Variants in SAFB observed in about 807,000 individuals in gnomAD.
SAFB encodes scaffold attachment factor B, also known as scaffold attachment factor B1.
In SAFB, 15 loss-of-function variants were observed where a neutral mutation model predicts 101.6. That is an observed-to-expected ratio of 0.15 (90% CI 0.10 to 0.23). The LOEUF (loss-of-function observed/expected upper bound fraction) is 0.23. Among genes scored for constraint, SAFB ranks in the 10% least tolerant of loss-of-function variants. The probability of loss-of-function intolerance (pLI) is 1.00; values close to 1 mark genes in which losing one functional copy is unlikely to be tolerated. For synonymous variants in SAFB, 449 were observed against 407.5 expected (o/e 1.10, Z -1.23); for missense variants, 930 against 1,104.1 (o/e 0.84, Z 2.23).
At chr19:5,649,771 T>C (rs567516186) in intron 7 of SAFB, 155 bp from the exon 8 acceptor site, 163 of 816,980 alleles carry the variant, frequency 2.0e-4, no homozygotes, top group Non-Finnish European at 3.1e-4. Flanking sequence ...TGAAATCTTA[T>C]GGTTAGGTCA....
At chr19:5,628,392 A>G (rs565052411) in intron 2 of SAFB, among the ~76,000 whole-genome samples, 21 of 152,278 alleles carry the variant, frequency 1.4e-4, no homozygotes, top group African/African-American at 5.1e-4. Flanking sequence ...GCATAATGAG[A>G]TAATCTTGGG....
chr19:5,628,867 A>T (rs942780051), intron 2 of SAFB, among the ~76,000 whole-genome samples: 69 of 152,212 alleles, frequency 4.5e-4, no homozygotes, highest in African/African-American at 1.6e-3. Flanking sequence ...GAGCCTGTGG[A>T]TCTCCTTTTT....
rs76416901 is a variant in SAFB at position 5,661,506 on chromosome 19, A to G, written c.1863-12A>G. 0.04 allele frequency: 64,191 copies of G among 1,611,386 alleles called. 1,442 individuals are homozygous for G. The highest frequency in any genetic ancestry group is 0.046 in the Non-Finnish European group (54,661 of 1,178,894). On this transcript the variant is annotated splice_polypyrimidine_tract_variant and intron_variant, in intron 14 of 20. Coordinates refer to ENST00000588852, the MANE Select transcript of SAFB (RefSeq NM_001201338.2). Reference sequence around the variant, plus strand: ...TGTCTAGGTCCCCTTCTGCAGCTCTACTGTTGTGCAGCAGGGTGCGTGAAC... The same window carrying G: ...TGTCTAGGTCCCCTTCTGCAGCTCTGCTGTTGTGCAGCAGGGTGCGTGAAC...
intron 4 of SAFB, among the ~76,000 whole-genome samples, chr19:5,643,554 C>T (rs1425585497): frequency 6.6e-6 from 1 of 152,170 alleles, no homozygotes; most frequent in Non-Finnish European, 1.5e-5. Flanking sequence ...AACACTTGCA[C>T]AGCAGCAGGA....
intron 2 of SAFB, among the ~76,000 whole-genome samples, chr19:5,628,342 A>C (rs2053414728): frequency 6.6e-6 from 1 of 152,144 alleles, no homozygotes; most frequent in Non-Finnish European, 1.5e-5. Context: ...TTGGGACCAG[A>C]AGGGTTTCAT....
chr19:5,664,666 C>T (rs2054289602), intron 17 of SAFB: 1 of 489,318 alleles, frequency 2.0e-6, no homozygotes, highest in Non-Finnish European at 3.7e-6. Context: ...TTAGCCTTGA[C>T]CCTGGGGTTC....
At chr19:5,628,048 C>T (rs1437511618) in intron 2 of SAFB, among the ~76,000 whole-genome samples, 1 of 152,026 alleles carries the variant, frequency 6.6e-6, no homozygotes, top group Non-Finnish European at 1.5e-5. Context: ...GTCAGGAGTT[C>T]GAGACCAGCC....
chr19:5,649,918 G>A lies in SAFB; in HGVS notation c.1149-8G>A. 6.2e-7 allele frequency: 1 copy of A among 1,613,264 alleles called. No homozygotes were observed. Among genetic ancestry groups the A allele is most frequent in the African/African-American group, 1.3e-5 (1 of 75,000 alleles). Reference sequence around the variant, plus strand: ...TCCTTGTGGAGTGACATTGTCTTTTGTCTCTAGTTCTCCCGAAGATGACTC... The same window carrying A: ...TCCTTGTGGAGTGACATTGTCTTTTATCTCTAGTTCTCCCGAAGATGACTC... On this transcript the variant is annotated splice_region_variant and splice_polypyrimidine_tract_variant and intron_variant, in intron 7 of 20. Transcript: ENST00000588852.
chr19:5,666,881 T>C, intron 17 of SAFB, 165 bp from the exon 18 acceptor site: 1 of 720,116 alleles, frequency 1.4e-6, no homozygotes, highest in South Asian at 1.6e-5. Context: ...GCCTCTGGCC[T>C]GCAGATTTCA....
intron 2 of SAFB, among the ~76,000 whole-genome samples, chr19:5,631,839 A>G (rs962272298): frequency 1.3e-5 from 2 of 152,156 alleles, no homozygotes; most frequent in East Asian, 3.9e-4. Flanking sequence ...TGAGCCCAGG[A>G]GTTGGAGAGC....
In SAFB at chr19:5,641,851, G is replaced by A. The variant is rs182749782; in HGVS notation, c.451G>A (p.Asp151Asn). The A allele has an allele frequency of 4.8e-5, 78 of 1,614,126 alleles. 1 individual carries two copies. Among genetic ancestry groups the A allele is most frequent in the Middle Eastern group, 3.3e-4 (2 of 6,062 alleles). The change falls in exon 4 of 21, where the codon GAT (aspartate) becomes AAT (asparagine). Residue 151 changes from aspartate to asparagine, a missense_variant. Coordinates refer to ENST00000588852, the MANE Select transcript of SAFB (RefSeq NM_001201338.2). ...AAGCGTTGCAGATTGTGTCGAAGACGATGATGCTGATAACCTCCAGGAGTC... is the reference window on the plus strand; with the variant it reads ...AAGCGTTGCAGATTGTGTCGAAGACAATGATGCTGATAACCTCCAGGAGTC... ...NGSVADCVED[D>N]DADNLQESLS...
At chr19:5,646,628 A>G (rs1317717828) in intron 5 of SAFB, among the ~76,000 whole-genome samples, 1 of 152,258 alleles carries the variant, frequency 6.6e-6, no homozygotes, top group Non-Finnish European at 1.5e-5. Flanking sequence ...ACATGGGGAA[A>G]AAACTGATTA....
Position 5,650,030 on chromosome 19 carries a change from C to T in SAFB, c.1198+55C>T, listed in dbSNP as rs957007095. The T allele has an allele frequency of 3.8e-5, 53 of 1,396,466 alleles. No individual in the cohort carries two copies. The East Asian group carries it at 7.3e-4, about 19-fold the overall frequency. 86.5% of individuals were successfully genotyped at this position (1,396,466 alleles called of 1,614,324 possible). On this transcript the variant is annotated intron_variant, in intron 8 of 20. Coordinates refer to ENST00000588852, the MANE Select transcript of SAFB (RefSeq NM_001201338.2). The stretch of plus-strand genomic sequence containing the variant: ...GGAGCATGTATGGCCTGGGCAGTGG[C>T]GGGTATTTGATTCTGGTTCATCGCG...
intron 13 of SAFB, among the ~76,000 whole-genome samples, chr19:5,655,521 C>T (rs1309085785): frequency 1.3e-5 from 2 of 151,714 alleles, no homozygotes; most frequent in African/African-American, 4.8e-5. Flanking sequence ...CACCGAGCCA[C>T]CCTTACTGGT....
intron 1 of SAFB, among the ~76,000 whole-genome samples, chr19:5,624,201 C>A (rs904129145): frequency 4.0e-5 from 6 of 151,420 alleles, no homozygotes; most frequent in African/African-American, 9.7e-5. Flanking sequence ...CCTTGAACCC[C>A]TTCTGAGTCC....
chr19:5,653,203 C>T lies in SAFB; in HGVS notation c.1382C>T (p.Thr461Ile). 1 of 1,614,146 alleles carries T rather than the reference C, an allele frequency of 6.2e-7. No homozygotes were observed. The highest frequency in any genetic ancestry group is 8.5e-7 in the Non-Finnish European group (1 of 1,180,038). Residue 461 changes from threonine to isoleucine, a missense_variant, in exon 10 of 21, where the codon ACA becomes ATA. By Grantham distance (89) the Thr-to-Ile change is moderately conservative (BLOSUM62 -1). Around this residue, in one of 7 missense-constraint regions of SAFB, gnomAD observed 68 missense variants for 122.1 expected, o/e 0.56. Transcript: ENST00000588852. ...FVTMSTAEEA[T>I]KCINHLHKTE... ...ACGATGTCCACAGCAGAAGAGGCCA[C>T]AAAATGCATTAACCACCTGCACAAG...
At chr19:5,639,049 A>G (rs900707990) in intron 2 of SAFB, among the ~76,000 whole-genome samples, 6 of 152,352 alleles carry the variant, frequency 3.9e-5, no homozygotes, top group South Asian at 2.1e-4. Flanking sequence ...TTAGAAAAAC[A>G]TGGTAATGCC....
intron 2 of SAFB, among the ~76,000 whole-genome samples, chr19:5,640,089 G>A (rs1233680367): frequency 1.3e-5 from 2 of 152,002 alleles, no homozygotes. Flanking sequence ...CCTGACCTCA[G>A]GTGATCCGCC....
intron 6 of SAFB, 75 bp downstream of exon 6, chr19:5,648,118 T>C (rs531063185): frequency 1.6e-6 from 2 of 1,279,604 alleles, no homozygotes; most frequent in East Asian, 2.3e-5. Flanking sequence ...ATTTGAATTC[T>C]TTGATTTTTA....
Sources: allele counts gnomAD v4.1 joint callset (sites outside exome capture counted in the v4.1 genomes callset), GRCh38; gene constraint gnomAD v4.1.1; regional missense constraint gnomAD v4.1.1; transcripts MANE v1.5; gene names NCBI Gene and HGNC (gene_info 2026-07-23, HGNC 2026-07-21).